The following LRRC27 variants were observed in gnomAD, a reference collection of about 807,000 sequenced individuals.
The protein encoded by LRRC27 is leucine rich repeat containing 27.
A neutral mutation model predicts 55.0 loss-of-function variants in LRRC27; 57 were observed. The ratio of observed to expected loss-of-function variants is 1.04; its 90% CI spans 0.84 to 1.29. The LOEUF (loss-of-function observed/expected upper bound fraction) is 1.29. Among genes scored for constraint, LRRC27 ranks in the 50% most tolerant of loss-of-function variants. The probability of loss-of-function intolerance (pLI) is 0.00; values close to 1 mark genes in which losing one functional copy is unlikely to be tolerated. For missense variants in LRRC27, 721 were observed against 651.5 expected, an observed-to-expected ratio of 1.11 and a Z score of -1.16; for synonymous variants, 278 against 251.9, an observed-to-expected ratio of 1.10 and a Z score of -0.98.
intron 7 of LRRC27, among the ~76,000 whole-genome samples, chr10:132,355,510 C>T (rs1376639234): frequency 6.6e-6 from 1 of 152,196 alleles, no homozygotes; most frequent in Admixed American, 6.5e-5. Flanking sequence ...GGTCCTGATG[C>T]CTTTTCCTCG....
intron 8 of LRRC27, among the ~76,000 whole-genome samples, chr10:132,361,157 G>A (rs1358038212): frequency 6.6e-6 from 1 of 152,208 alleles, no homozygotes; most frequent in Non-Finnish European, 1.5e-5. Context: ...GGGGGCATAA[G>A]GGCATGCAGG....
chr10:132,349,758 T>C (rs1387307888), intron 6 of LRRC27, among the ~76,000 whole-genome samples: 1 of 151,912 alleles, frequency 6.6e-6, no homozygotes, highest in African/African-American at 2.4e-5. Flanking sequence ...AGAACTGGAG[T>C]CTCTGGCAGG....
At chr10:132,342,576 G>A (rs774996894) in intron 4 of LRRC27, among the ~76,000 whole-genome samples, 5 of 152,182 alleles carry the variant, frequency 3.3e-5, no homozygotes, top group Non-Finnish European at 5.9e-5. Flanking sequence ...TGCTGTCTCC[G>A]CTGCATCTCG....
intron 5 of LRRC27, among the ~76,000 whole-genome samples, chr10:132,345,980 C>T (rs553286868): frequency 6.6e-6 from 1 of 152,328 alleles, no homozygotes; most frequent in South Asian, 2.1e-4. Flanking sequence ...GGAAGGCCAG[C>T]CAGTAAATGA....
chr10:132,338,600 G>C (rs533538934), intron 3 of LRRC27, among the ~76,000 whole-genome samples: 2 of 152,196 alleles, frequency 1.3e-5, no homozygotes, highest in South Asian at 4.2e-4. Context: ...TCACTATGGA[G>C]ACGTCCTCCT....
In LRRC27 at chr10:132,365,478, G is replaced by A. The variant is rs185328909; in HGVS notation, c.1344G>A (p.Met448Ile). 146 of 1,613,742 alleles carry A rather than the reference G, an allele frequency of 9.0e-5. No individual in the cohort carries two copies. In the Admixed American group the frequency reaches 9.7e-4, roughly 11 times the overall value. Residue 448 changes from methionine to isoleucine, a missense_variant, in exon 10 of 11, where the codon ATG (methionine) becomes ATA (isoleucine). Coordinates refer to ENST00000368614, the MANE Select transcript of LRRC27 (RefSeq NM_030626.3). ...EEKIKQHVLQ[M>I]REQRRFHGQA... ...AGATAAAACAGCACGTCCTCCAAAT[G>A]CGTGAGCAAAGAAGATTCCATGGCC... is the stretch of plus-strand genomic sequence containing the variant.
intron 3 of LRRC27, among the ~76,000 whole-genome samples, chr10:132,338,796 A>G (rs541561260): frequency 2.2e-5 from 3 of 138,090 alleles, no homozygotes; most frequent in African/African-American, 5.5e-5. Flanking sequence ...TGCAACCTCT[A>G]CCTCCTGGTT....
chr10:132,340,806 A>T (rs1360854616), intron 3 of LRRC27, among the ~76,000 whole-genome samples: 1 of 151,878 alleles, frequency 6.6e-6, no homozygotes, highest in Non-Finnish European at 1.5e-5. Flanking sequence ...TCTACTAAAA[A>T]AAAAAAGTAC....
chr10:132,340,810 A>T (rs1017911868), intron 3 of LRRC27, among the ~76,000 whole-genome samples: 1 of 151,808 alleles, frequency 6.6e-6, no homozygotes, highest in Non-Finnish European at 1.5e-5. Flanking sequence ...CTAAAAAAAA[A>T]AAGTACAAAA....
rs556722029 is a variant in LRRC27 at position 132,348,628 on chromosome 10, G to A, written c.926+272G>A. ...AGAGACATAAGCGACAGTGAGATCTGTGGCCTGTGCTTTCTCCAGAGAGAG... is the reference window on the plus strand; with the variant it reads ...AGAGACATAAGCGACAGTGAGATCTATGGCCTGTGCTTTCTCCAGAGAGAG... On this transcript the variant is annotated intron_variant, in intron 6 of 10. Transcript: ENST00000368614. The surrounding 1 kb of genome is among the most constrained non-coding windows in gnomAD (Gnocchi z 4.2). Among the ~76,000 whole-genome samples the A allele has an allele frequency of 4.3e-4, 66 of 152,332 alleles. No individual in the cohort carries two copies. Among genetic ancestry groups the A allele is most frequent in the Middle Eastern group, 6.8e-3 (2 of 294 alleles).
At chr10:132,352,798 C>T (rs1162651832) in intron 7 of LRRC27, 2 of 1,499,840 alleles carry the variant, frequency 1.3e-6, no homozygotes, top group East Asian at 2.3e-5. Context: ...CGCGGTCGCC[C>T]CCTTGTGTCC....
chr10:132,349,911 A>C (rs1007910701), intron 6 of LRRC27, among the ~76,000 whole-genome samples: 1 of 152,166 alleles, frequency 6.6e-6, no homozygotes, highest in Non-Finnish European at 1.5e-5. Context: ...TCTCACATGC[A>C]TTATCAGGGC....
intron 3 of LRRC27, among the ~76,000 whole-genome samples, chr10:132,338,856 C>T (rs949084355): frequency 6.6e-6 from 1 of 151,884 alleles, no homozygotes; most frequent in Non-Finnish European, 1.5e-5. Context: ...ATTACAGGTG[C>T]CCGCCACCAT....
intron 4 of LRRC27, among the ~76,000 whole-genome samples, chr10:132,343,147 A>G (rs2067501008): frequency 2.0e-5 from 3 of 152,090 alleles, no homozygotes; most frequent in Admixed American, 6.6e-5. Context: ...ATCTCTACAA[A>G]AAATAAAATA....
chr10:132,355,792 A>G lies in LRRC27; in HGVS notation c.1076A>G (p.Glu359Gly), dbSNP rs781384442. ...ACATTAACCTTCCCTTTCTCCAGAG[A>G]GAAAAGGGCACTGCAGGAGTGGAGA... ...KQALMEQQRREKRALQEWRER... is the reference protein window; with the variant it reads ...KQALMEQQRRGKRALQEWRER... Residue 359 changes from glutamate to glycine, a missense_variant and splice_region_variant, in exon 8 of 11, where the codon GAG (glutamate) becomes GGG (glycine). Glu to Gly is a moderately conservative substitution (Grantham distance 98). Transcript: ENST00000368614. The G allele has an allele frequency of 5.8e-6, 9 of 1,550,244 alleles. No individual in the cohort carries two copies. The highest frequency in any genetic ancestry group is 2.0e-5 in the Admixed American group (1 of 51,104).
rs536872782 is a variant in LRRC27, at chr10:132,377,219, G to A, written c.*1977G>A. Reference sequence around the variant, plus strand: ...TTCTTTCTCTAGCTGCCAGTTCTGTGTTTCAGTTACAGTGTTTGGCCCTCA... The same window carrying A: ...TTCTTTCTCTAGCTGCCAGTTCTGTATTTCAGTTACAGTGTTTGGCCCTCA... On this transcript the variant is annotated 3_prime_UTR_variant, in exon 11 of 11. Transcript: ENST00000368614. The A allele has an allele frequency of 6.6e-6, 1 of 152,324 alleles. No individual in the cohort carries two copies. The highest frequency in any genetic ancestry group is 2.1e-4 in the South Asian group (1 of 4,816). The allele number at this position is 152,324 out of a possible 1,614,324, so 9.4% of individuals were successfully genotyped here.
At chr10:132,342,825 A>G (rs1231511724) in intron 4 of LRRC27, among the ~76,000 whole-genome samples, 1 of 152,210 alleles carries the variant, frequency 6.6e-6, no homozygotes, top group Admixed American at 6.5e-5. Context: ...AGGCATTTCT[A>G]TTATGAACTT....
Position 132,361,586 on chromosome 10 carries a change from G to A in LRRC27, c.1289+11G>A. 6.3e-7 allele frequency: 1 copy of A among 1,587,100 alleles called. No individual in the cohort carries two copies. Among genetic ancestry groups the A allele is most frequent in the Non-Finnish European group, 8.7e-7 (1 of 1,155,948 alleles). On this transcript the variant is annotated intron_variant, in intron 9 of 10. Transcript: ENST00000368614. The stretch of plus-strand genomic sequence containing the variant: ...AAGTAAAGAAATGAGGTTGGTAACT[G>A]CAACTGGCACTCAGTCCTTCCAGGG...
At chr10:132,346,063 G>A (rs2067668288) in intron 5 of LRRC27, among the ~76,000 whole-genome samples, 1 of 152,146 alleles carries the variant, frequency 6.6e-6, no homozygotes, top group South Asian at 2.1e-4. Context: ...CCATCTGAGG[G>A]TGGAGGGGCA....
Sources: allele counts gnomAD v4.1 joint callset (sites outside exome capture counted in the v4.1 genomes callset), GRCh38; gene constraint gnomAD v4.1.1; non-coding constraint Gnocchi (gnomAD v3.1); transcripts MANE v1.5; gene names NCBI Gene and HGNC (gene_info 2026-07-23, HGNC 2026-07-21).